Variants in IL16 observed in about 807,000 individuals in gnomAD.
The protein encoded by IL16 is interleukin 16.
In IL16, 67 loss-of-function variants were observed where a neutral mutation model predicts 110.1. The observed-to-expected ratio is 0.61, with a 90% CI of 0.50 to 0.75. The LOEUF (loss-of-function observed/expected upper bound fraction) is 0.75, where lower values mean the gene tolerates loss of function less well. IL16 is among the 30% of genes least tolerant of loss of function. The pLI is 0.00. For synonymous variants in IL16, 689 were observed against 662.9 expected (o/e 1.04, Z -0.61); for missense variants, 1,545 against 1,655.0 (o/e 0.93, Z 1.15).
chr15:81,270,229 A>T (rs1379352769), intron 5 of IL16, among the ~76,000 whole-genome samples: 1 of 152,192 alleles, frequency 6.6e-6, no homozygotes, highest in Non-Finnish European at 1.5e-5. Context: ...ATACAAAAGT[A>T]TTGGTGGTGA....
chr15:81,295,111 G>GTGCTTTAAAAAACT (rs1427224665), intron 12 of IL16, among the ~76,000 whole-genome samples: 2 of 151,896 alleles, frequency 1.3e-5, no homozygotes, highest in Non-Finnish European at 2.9e-5. Context: ...ACTCTCCCCC[G>GTGCTTTAAAAAACT]TGCTTTAAAA....
chr15:81,253,877 C>T (rs1315998711), intron 2 of IL16, among the ~76,000 whole-genome samples: 1 of 152,128 alleles, frequency 6.6e-6, no homozygotes, highest in Non-Finnish European at 1.5e-5. Context: ...ATGCAGGGGT[C>T]GGAGAGTAAG....
intron 2 of IL16, among the ~76,000 whole-genome samples, chr15:81,241,488 G>A (rs184188089): frequency 3.9e-5 from 6 of 152,104 alleles, no homozygotes; most frequent in African/African-American, 1.2e-4. Context: ...TCTTCAGCAA[G>A]GGCTTACATA....
At chr15:81,259,994 A>C in intron 3 of IL16, 114 bp downstream of exon 3, 1 of 677,700 alleles carries the variant, frequency 1.5e-6, no homozygotes, top group Non-Finnish European at 2.6e-6. Flanking sequence ...CTAGCATTGG[A>C]GTCTGCTCAG....
In IL16 at chr15:81,308,646, G is replaced by A; in HGVS notation, c.3847G>A (p.Glu1283Lys). The change falls in exon 19 of 19, where the codon GAA (glutamate) becomes AAA (lysine). Residue 1283 changes from glutamate to lysine, a missense_variant. Transcript: ENST00000683961. ...AAGTGAGACAGTCCAGCCTGGAGAT[G>A]AAATCTTACAGCTGGGTGGCACTGC... Reference protein sequence around the residue: ...EQSETVQPGDEILQLGGTAMQ... With the variant: ...EQSETVQPGDKILQLGGTAMQ... 6.2e-7 allele frequency: 1 copy of A among 1,613,568 alleles called. No individual in the cohort carries two copies. Among genetic ancestry groups the A allele is most frequent in the South Asian group, 1.1e-5 (1 of 91,022 alleles).
intron 1 of IL16, among the ~76,000 whole-genome samples, chr15:81,204,863 G>A (rs1305032892): frequency 6.6e-6 from 1 of 152,088 alleles, no homozygotes; most frequent in Non-Finnish European, 1.5e-5. Flanking sequence ...GTTTAGTGCT[G>A]TAATAGAATG....
At chr15:81,282,502 C>G in intron 8 of IL16, 137 bp from the exon 9 acceptor site, 1 of 705,914 alleles carries the variant, frequency 1.4e-6, no homozygotes, top group Non-Finnish European at 2.5e-6. Context: ...TGCCTGCACA[C>G]AACGACTACT....
At chr15:81,278,733 T>G in intron 6 of IL16, 84 bp from the exon 7 acceptor site, 1 of 900,730 alleles carries the variant, frequency 1.1e-6, no homozygotes, top group Non-Finnish European at 1.9e-6. Context: ...AGCCGGGCAG[T>G]TGGGGAGACT....
Position 81,259,784 on chromosome 15 carries a change from G to C in IL16, c.325G>C (p.Ala109Pro). 6.2e-7 allele frequency: 1 copy of C among 1,612,430 alleles called. No homozygotes were observed. Among genetic ancestry groups the C allele is most frequent in the African/African-American group, 1.3e-5 (1 of 75,028 alleles). The change falls in exon 3 of 19, where the codon GCT becomes CCT. Residue 109 changes from alanine (A) to proline (P), a missense_variant. Physicochemically the swap from Ala to Pro is conservative, Grantham distance 27. This residue lies in a region of IL16 where 1,185 missense variants were observed against 1,238.8 expected (regional missense o/e 0.96). Coordinates refer to ENST00000683961, the MANE Select transcript of IL16 (RefSeq NM_172217.5). ...AATTGTTTTGCAGGAATCTTCCACA[G>C]CTTCCTCTCGAGAAAAGCCTGGAAA... ...RIFFMKESST[A>P]SSREKPGKLE... is the part of the protein sequence containing the mutation.
intron 1 of IL16, among the ~76,000 whole-genome samples, chr15:81,210,034 G>A (rs1455356877): frequency 1.3e-5 from 2 of 152,098 alleles, no homozygotes; most frequent in Non-Finnish European, 2.9e-5. Flanking sequence ...TTTTGAGTTG[G>A]TTTTTGTATA....
intron 1 of IL16, among the ~76,000 whole-genome samples, chr15:81,212,097 C>T (rs529198900): frequency 1.1e-3 from 172 of 151,218 alleles, no homozygotes; most frequent in Non-Finnish European, 1.9e-3. Flanking sequence ...GTACATCTGG[C>T]AGAATTTGGC....
At chr15:81,197,752 T>C (rs1348770843) in intron 1 of IL16, among the ~76,000 whole-genome samples, 1 of 152,214 alleles carries the variant, frequency 6.6e-6, no homozygotes, top group East Asian at 1.9e-4. Context: ...TTTTGGTCCA[T>C]AGCAAGTTTG....
chr15:81,258,292 T>C (rs527889866), intron 2 of IL16, among the ~76,000 whole-genome samples: 5 of 151,852 alleles, frequency 3.3e-5, no homozygotes, highest in Non-Finnish European at 1.5e-5. Flanking sequence ...TCATGTTTTC[T>C]GTTTCATTAC....
Position 81,303,283 on chromosome 15 carries a change from C to G in IL16, c.3319-266C>G, listed in dbSNP as rs556180185. The G allele has an allele frequency of 5.1e-6, 2 of 390,030 alleles. No homozygotes were observed. Among genetic ancestry groups the G allele is most frequent in the East Asian group, 9.7e-5 (2 of 20,632 alleles). The allele number at this position is 390,030 out of a possible 1,614,324, so 24.2% of individuals were successfully genotyped here. On this transcript the variant is annotated intron_variant, in intron 15 of 18. Transcript: ENST00000683961. This position sits in a 1 kb window ranked among gnomAD's most constrained non-coding sequence, Gnocchi z 4.1. Reference sequence around the variant, plus strand: ...TTCTGGCTGACTTCATGGCACTCCCCCTGCCCGGCTGTGGACAGGGTGAAT... The same window carrying G: ...TTCTGGCTGACTTCATGGCACTCCCGCTGCCCGGCTGTGGACAGGGTGAAT...
At chr15:81,280,304 G>T (rs747738575) in intron 8 of IL16, among the ~76,000 whole-genome samples, 11 of 152,230 alleles carry the variant, frequency 7.2e-5, no homozygotes, top group Non-Finnish European at 1.6e-4. Context: ...ACAGAGCTGG[G>T]CTCCAGCACA....
rs34522610 is a variant in IL16, at chr15:81,303,015, ATGTGTGTG to A, written c.3319-512_3319-505del. On this transcript the variant is annotated intron_variant, in intron 15 of 18. Transcript: ENST00000683961. The surrounding 1 kb of genome is among the most constrained non-coding windows in gnomAD (Gnocchi z 4.1). ...GTCTAGGCTAGGAAGTACCGTAGTA[ATGTGTGTG>A]TGTGTGTGTGTGTGTGTGTGTCACA... 1.0e-3 allele frequency among the ~76,000 whole-genome samples: 154 copies of A among 150,142 alleles called. No homozygotes were observed. Among genetic ancestry groups the A allele is most frequent in the East Asian group, 2.2e-3 (11 of 5,074 alleles).
Position 81,292,572 on chromosome 15 carries a change from A to C in IL16, c.1437A>C (p.Glu479Asp). The change falls in exon 12 of 19, where the codon GAA becomes GAC. Residue 479 changes from glutamate to aspartate, a missense_variant. Around this residue, in one of 3 missense-constraint regions of IL16, gnomAD observed 1,185 missense variants for 1,238.8 expected, o/e 0.96. Transcript: ENST00000683961. ...QWSLEGVKRL[E>D]SSWHGRPTLE... ...CCCACACAGGTGTCAAAAGGCTGGA[A>C]AGCAGTTGGCACGGGCGGCCCACCT... The C allele has an allele frequency of 6.2e-7, 1 of 1,606,128 alleles. No individual in the cohort carries two copies. Among genetic ancestry groups the C allele is most frequent in the Non-Finnish European group, 8.5e-7 (1 of 1,173,630 alleles).
chr15:81,295,743 C>G (rs542614528), intron 12 of IL16, among the ~76,000 whole-genome samples: 15 of 152,330 alleles, frequency 9.8e-5, no homozygotes, highest in South Asian at 2.1e-4. Flanking sequence ...TGAGGCAATG[C>G]TCTGTGAATA....
chr15:81,205,459 C>G (rs908616487), intron 1 of IL16, among the ~76,000 whole-genome samples: 4 of 152,066 alleles, frequency 2.6e-5, no homozygotes, highest in Non-Finnish European at 5.9e-5. Flanking sequence ...AGGAAAAATA[C>G]AGGCTCAAAT....
Sources: allele counts gnomAD v4.1 joint callset (sites outside exome capture counted in the v4.1 genomes callset), GRCh38; gene constraint gnomAD v4.1.1; regional missense constraint gnomAD v4.1.1; non-coding constraint Gnocchi (gnomAD v3.1); transcripts MANE v1.5; gene names NCBI Gene and HGNC (gene_info 2026-07-23, HGNC 2026-07-21).